Variants in ACTN1 observed in about 807,000 individuals in gnomAD.
ACTN1 encodes alpha-actinin-1.
A neutral mutation model predicts 119.6 loss-of-function variants in ACTN1; 30 were observed. The ratio of observed to expected loss-of-function variants is 0.25; its 90% CI spans 0.19 to 0.34. ACTN1 has a LOEUF of 0.34. Ranked by LOEUF, ACTN1 falls within the 10% of genes least tolerant of loss-of-function variation. The probability of loss-of-function intolerance (pLI) is 1.00; values close to 1 mark genes in which losing one functional copy is unlikely to be tolerated. For missense variants in ACTN1, 764 were observed against 1,223.4 expected (o/e 0.62, Z 5.60); for synonymous variants, 429 against 472.6 (o/e 0.91, Z 1.20).
chr14:68,906,611 G>A (rs534343984), intron 6 of ACTN1, among the ~76,000 whole-genome samples: 3 of 152,194 alleles, frequency 2.0e-5, no homozygotes, highest in East Asian at 3.9e-4. Context: ...ACACACACCC[G>A]CCCCACGTGA....
chr14:68,878,357 C>A lies in ACTN1; in HGVS notation c.2427+101G>T. ...TGGGGCTCCTCCAGGGAGGGCAGCC[C>A]CTAGCCTGAGGGCCTCCAGCCTGCC... On this transcript the variant is annotated intron_variant, in intron 20 of 21. Coordinates refer to ENST00000394419, the MANE Select transcript of ACTN1 (RefSeq NM_001130004.2). The surrounding 1 kb of genome is among the most constrained non-coding windows in gnomAD (Gnocchi z 4.4). 1 of 1,469,020 alleles carries A rather than the reference C, an allele frequency of 6.8e-7. No individual in the cohort carries two copies. The highest frequency in any genetic ancestry group is 2.4e-5 in the East Asian group (1 of 42,350). 91.0% of individuals were successfully genotyped at this position (1,469,020 alleles called of 1,614,324 possible). A position where few individuals can be genotyped will look rare whatever the true frequency, so the allele number is the denominator to read the frequency against.
Position 68,891,118 on chromosome 14 carries a change from G to A in ACTN1, c.1087-832C>T, listed in dbSNP as rs1232827776. ...TGTATTCTCCCTCCATGACCCCCTG[G>A]GCTGCCGTCTCCCCACGATGCTGTC... On this transcript the variant is annotated intron_variant, in intron 10 of 21. Transcript: ENST00000394419. Among the ~76,000 whole-genome samples, 7 of 152,106 alleles carry A rather than the reference G, an allele frequency of 4.6e-5. No homozygotes were observed. In the East Asian group the frequency reaches 9.6e-4, roughly 21 times the overall value.
Position 68,909,288 on chromosome 14 carries a change from C to A in ACTN1, c.594+30G>T. 1 of 1,611,250 alleles carries A rather than the reference C, an allele frequency of 6.2e-7. No homozygotes were observed. Among genetic ancestry groups the A allele is most frequent in the South Asian group, 1.1e-5 (1 of 90,992 alleles). The stretch of plus-strand genomic sequence containing the variant: ...TTTCCCACCCCACCTGCCAGGGACC[C>A]AAAGCGGGTGGTCAGGTGGGCACAC... On this transcript the variant is annotated intron_variant, in intron 6 of 21. Coordinates refer to ENST00000394419, the MANE Select transcript of ACTN1 (RefSeq NM_001130004.2). This position sits in a 1 kb window ranked among gnomAD's most constrained non-coding sequence, Gnocchi z 4.1.
intron 8 of ACTN1, among the ~76,000 whole-genome samples, chr14:68,898,251 A>G (rs566358560): frequency 1.2e-4 from 19 of 152,348 alleles, no homozygotes; most frequent in African/African-American, 3.1e-4. Flanking sequence ...CAAAATCTTA[A>G]TGCTCTCCAT....
In ACTN1 at chr14:68,887,997, C is replaced by A. The variant is rs538622083; in HGVS notation, c.1234+2142G>T. ...TTTTTCGGCTTCGCTTCCACTTTTGCAGGAGGTTTAACTGACAACCGCGCC... is the reference window on the plus strand; with the variant it reads ...TTTTTCGGCTTCGCTTCCACTTTTGAAGGAGGTTTAACTGACAACCGCGCC... On this transcript the variant is annotated intron_variant, in intron 11 of 21. Coordinates refer to ENST00000394419, the MANE Select transcript of ACTN1 (RefSeq NM_001130004.2). The A allele has an allele frequency of 2.5e-5, 19 of 759,608 alleles. No homozygotes were observed. In the African/African-American group the frequency reaches 2.9e-4, roughly 12 times the overall value. The allele number at this position is 759,608 out of a possible 1,614,324, so 47.1% of individuals were successfully genotyped here. A position where few individuals can be genotyped will look rare whatever the true frequency, so the allele number is the denominator to read the frequency against.
At chr14:68,903,234 T>A (rs1328878766) in intron 7 of ACTN1, among the ~76,000 whole-genome samples, 1 of 152,204 alleles carries the variant, frequency 6.6e-6, no homozygotes, top group African/African-American at 2.4e-5. Context: ...TGCTTTTGCC[T>A]GGGTTTTTAT....
At chr14:68,960,472 T>C (rs1416598693) in intron 1 of ACTN1, among the ~76,000 whole-genome samples, 1 of 152,200 alleles carries the variant, frequency 6.6e-6, no homozygotes, top group Non-Finnish European at 1.5e-5. Flanking sequence ...AACTGAAATA[T>C]ATATAATTTA....
At chr14:68,953,663 G>A (rs950805547) in intron 1 of ACTN1, among the ~76,000 whole-genome samples, 1 of 151,824 alleles carries the variant, frequency 6.6e-6, no homozygotes, top group Admixed American at 6.6e-5. Flanking sequence ...CAGATCATGA[G>A]GTCAGGAGTT....
At chr14:68,887,958 C>T in intron 11 of ACTN1, 1 of 831,554 alleles carries the variant, frequency 1.2e-6, no homozygotes, top group Non-Finnish European at 2.1e-6. Flanking sequence ...GAAGATTTAT[C>T]CTTCACTGCT....
intron 1 of ACTN1, chr14:68,978,527 G>A: frequency 3.2e-6 from 1 of 308,708 alleles, no homozygotes; most frequent in Non-Finnish European, 6.3e-6. Context: ...CGCTGCCACC[G>A]CACGCCATAT....
rs374748072 is a variant in ACTN1 at position 68,878,488 on chromosome 14, G to A, written c.2397C>T (p.Arg799=). Residue 799 remains arginine (R), a synonymous_variant, in exon 20 of 22, where the codon CGC becomes CGT. Transcript: ENST00000394419. This position sits in a 1 kb window ranked among gnomAD's most constrained non-coding sequence, Gnocchi z 4.4. ...TGTAACCCATGGAGATCAGGCAGGC[G>A]CGGAAATCATCCGTGTCCATCATGC... ...KTGMMDTDDF[R]ACLISMGYNM... The A allele has an allele frequency of 7.0e-6, 11 of 1,580,160 alleles. No individual in the cohort carries two copies. The highest frequency in any genetic ancestry group is 2.2e-5 in the East Asian group (1 of 44,568).
chr14:68,919,304 T>G (rs2034513766), intron 3 of ACTN1, among the ~76,000 whole-genome samples: 2 of 152,134 alleles, frequency 1.3e-5, no homozygotes, highest in Non-Finnish European at 2.9e-5. Context: ...TACCCACCCC[T>G]GCCACTGACC....
At position 68,888,902 on chromosome 14, in the gene ACTN1, C is replaced by T. The variant is rs538921297; in HGVS notation, c.1234+1237G>A. 3.3e-5 allele frequency among the ~76,000 whole-genome samples: 5 copies of T among 152,318 alleles called. No homozygotes were observed. In the South Asian group the frequency reaches 6.2e-4, roughly 19 times the overall value. Reference sequence around the variant, plus strand: ...AACTGTCTTCCACGAAACTGGTCCCCGGTACCAACAAGGCTGGGGACCGCT... The same window carrying T: ...AACTGTCTTCCACGAAACTGGTCCCTGGTACCAACAAGGCTGGGGACCGCT... On this transcript the variant is annotated intron_variant, in intron 11 of 21. Coordinates refer to ENST00000394419, the MANE Select transcript of ACTN1 (RefSeq NM_001130004.2).
intron 20 of ACTN1, chr14:68,877,503 CAAT>C (rs774973536): frequency 2.2e-5 from 10 of 461,856 alleles, no homozygotes; most frequent in Non-Finnish European, 3.5e-5. Flanking sequence ...ATAATGACAA[CAAT>C]GATTAACAAT....
At chr14:68,948,406 C>T (rs1484612717) in intron 1 of ACTN1, among the ~76,000 whole-genome samples, 1 of 152,080 alleles carries the variant, frequency 6.6e-6, no homozygotes, top group South Asian at 2.1e-4. Flanking sequence ...GTGGAACCCC[C>T]GTCTCTACTA....
At chr14:68,920,906 C>G in intron 3 of ACTN1, 100 bp downstream of exon 3, 1 of 1,509,132 alleles carries the variant, frequency 6.6e-7, no homozygotes, top group Non-Finnish European at 9.0e-7. Context: ...CCAATGCCCC[C>G]AAGTGATGCA....
At chr14:68,955,455 A>G (rs1042100326) in intron 1 of ACTN1, among the ~76,000 whole-genome samples, 2 of 152,224 alleles carry the variant, frequency 1.3e-5, no homozygotes, top group African/African-American at 4.8e-5. Context: ...CCCAGACAAC[A>G]GTCCACAGTC....
At chr14:68,897,936 G>T (rs2032996196) in intron 8 of ACTN1, among the ~76,000 whole-genome samples, 1 of 152,266 alleles carries the variant, frequency 6.6e-6, no homozygotes, top group African/African-American at 2.4e-5. Context: ...TGCACAAGCT[G>T]TGGTCACCTC....
At chr14:68,978,094 G>C (rs951893164) in intron 1 of ACTN1, 5 of 455,046 alleles carry the variant, frequency 1.1e-5, no homozygotes, top group Non-Finnish European at 2.2e-5. Context: ...CGCGCACCCG[G>C]CACACCGCGC....
Sources: gnomAD v4.1 joint callset for allele counts (sites outside exome capture counted in the v4.1 genomes callset) on GRCh38, gnomAD v4.1.1 for gene constraint, Gnocchi (gnomAD v3.1) non-coding constraint, MANE v1.5 for transcripts, NCBI Gene and HGNC (gene_info 2026-07-23, HGNC 2026-07-21) for gene names.